MUCL1: variants seen among roughly 807,000 people sequenced by gnomAD.
MUCL1 encodes the protein mucin like 1, also known as mucin-like protein 1.
MUCL1 carries 11 observed loss-of-function variants against 9.2 expected under a neutral mutation model. That is an observed-to-expected ratio of 1.19 (90% CI 0.75 to 1.97). The LOEUF (loss-of-function observed/expected upper bound fraction) is 1.97. MUCL1 is among the 30% of genes most tolerant of loss of function. The pLI, the probability that MUCL1 is intolerant of heterozygous loss-of-function variation, is 0.00. For missense variants in MUCL1, 144 were observed against 110.9 expected (o/e 1.30, Z -1.34); for synonymous variants, 48 against 40.5 (o/e 1.19, Z -0.71).
chr12:54,838,785 T>G (rs1959198292), upstream of MUCL1, among the ~76,000 whole-genome samples: 1 of 152,156 alleles, frequency 6.6e-6, no homozygotes, highest in African/African-American at 2.4e-5. Context: ...TCGTTTTTCT[T>G]TAAGATATCT....
chr12:54,855,246 A>T, intron 2 of MUCL1, 89 bp downstream of exon 2: 1 of 1,176,866 alleles, frequency 8.5e-7, no homozygotes, highest in Non-Finnish European at 1.3e-6. Context: ...CCATGTGGAT[A>T]GTCTTTGTTA....
At chr12:54,852,605 C>T (rs753308826), upstream of MUCL1, among the ~76,000 whole-genome samples, 14 of 152,124 alleles carry the variant, frequency 9.2e-5, no homozygotes, top group Non-Finnish European at 4.4e-5. Context: ...TAAGGGGACC[C>T]TAACTGATAC....
In MUCL1 at chr12:54,856,835, GCTGCTCCTACCACTGCA is replaced by G. The variant is rs751988883; in HGVS notation, c.167_183del (p.Ala56AspfsTer10). ...TGCTGCTGCAACCACTGCAACCACT[GCTGCTCCTACCACTGCA>G]ACCACCGCTGCTTCTACCACTGCTC... is the stretch of plus-strand genomic sequence containing the variant. On this transcript the variant is annotated frameshift_variant, in exon 3 of 4. Transcript: ENST00000308796. LOFTEE classifies it high-confidence loss of function. 1.6e-5 allele frequency: 26 copies of G among 1,612,732 alleles called. No homozygotes were observed. The highest frequency in any genetic ancestry group is 1.6e-4 in the Middle Eastern group (1 of 6,082).
At chr12:54,834,144 A>T (rs937519067) in intron 1 of MUCL1, among the ~76,000 whole-genome samples, 1 of 152,056 alleles carries the variant, frequency 6.6e-6, no homozygotes, top group Non-Finnish European at 1.5e-5. Flanking sequence ...TATAAGACAT[A>T]TTTGCGTGAA....
chr12:54,836,105 G>A (rs897155196), upstream of MUCL1, among the ~76,000 whole-genome samples: 2 of 152,140 alleles, frequency 1.3e-5, no homozygotes, highest in African/African-American at 4.8e-5. Context: ...CACAGAATGA[G>A]TTAGGGAGGA....
upstream of MUCL1, among the ~76,000 whole-genome samples, chr12:54,834,627 A>G (rs970851779): frequency 1.3e-5 from 2 of 151,912 alleles, no homozygotes; most frequent in Non-Finnish European, 2.9e-5. Context: ...CTTAAAATCC[A>G]CTCTCTTAGC....
At chr12:54,830,770 C>T (rs1959184324) in exon 1 of MUCL1, 1 of 152,166 alleles carries the variant, frequency 6.6e-6, no homozygotes, top group Non-Finnish European at 1.5e-5. Context: ...ATTGGGGGCT[C>T]TCCTTAAGAG....
intron 1 of MUCL1, among the ~76,000 whole-genome samples, chr12:54,849,375 A>G (rs1959303957): frequency 6.6e-6 from 1 of 152,160 alleles, no homozygotes; most frequent in Non-Finnish European, 1.5e-5. Context: ...ATAATTACCA[A>G]GTAAAAATGG....
At chr12:54,837,180 T>C (rs777530419), upstream of MUCL1, among the ~76,000 whole-genome samples, 5 of 152,218 alleles carry the variant, frequency 3.3e-5, no homozygotes, top group South Asian at 6.2e-4. Flanking sequence ...CAGTAGAGAG[T>C]TGAAGTCCCC....
upstream of MUCL1, among the ~76,000 whole-genome samples, chr12:54,853,783 G>T (rs138481737): frequency 6.6e-6 from 1 of 151,812 alleles, no homozygotes; most frequent in East Asian, 1.9e-4. Flanking sequence ...TGTGTGCTTT[G>T]TTCGCTGTTA....
At chr12:54,848,013 C>T (rs568837178) in intron 1 of MUCL1, among the ~76,000 whole-genome samples, 1 of 142,908 alleles carries the variant, frequency 7.0e-6, no homozygotes, top group Non-Finnish European at 1.5e-5. Context: ...TAGGACTTCC[C>T]TTCATCTCAA....
Position 54,858,214 on chromosome 12 carries a change from A to T in MUCL1, c.245A>T (p.Asp82Val), listed in dbSNP as rs375718668. 5.6e-6 allele frequency: 9 copies of T among 1,613,390 alleles called. No individual in the cohort carries two copies. The African/African-American group carries it at 8.0e-5, about 14-fold the overall frequency. The change falls in exon 4 of 4, where the codon GAT (aspartate) becomes GTT (valine). Residue 82 changes from aspartate (D) to valine (V), a missense_variant. Physicochemically the swap from Asp to Val is radical, Grantham distance 152. Coordinates refer to ENST00000308796, the MANE Select transcript of MUCL1 (RefSeq NM_058173.3). ...DIPVLPKWVG[D>V]LPNGRVCP Reference sequence around the variant, plus strand: ...GCAGTTTTACCCAAATGGGTTGGGGATCTCCCGAATGGTAGAGTGTGTCCC... The same window carrying T: ...GCAGTTTTACCCAAATGGGTTGGGGTTCTCCCGAATGGTAGAGTGTGTCCC...
chr12:54,853,399 T>G (rs1420881524), upstream of MUCL1, among the ~76,000 whole-genome samples: 1 of 152,162 alleles, frequency 6.6e-6, no homozygotes, highest in Non-Finnish European at 1.5e-5. Context: ...GGCAAGTAGA[T>G]TGATGGAACT....
intron 1 of MUCL1, chr12:54,839,559 C>T (rs1959200591): frequency 1.7e-5 from 12 of 694,846 alleles, no homozygotes; most frequent in Non-Finnish European, 5.2e-6. Flanking sequence ...AGGGAGGGAG[C>T]AACCTCATCC....
intron 1 of MUCL1, among the ~76,000 whole-genome samples, chr12:54,841,238 C>T (rs1565775317): frequency 6.6e-6 from 1 of 152,160 alleles, no homozygotes. Context: ...TTTCTTTATT[C>T]ATTTATTAAC....
At chr12:54,846,157 G>A (rs1450071120) in intron 1 of MUCL1, among the ~76,000 whole-genome samples, 2 of 152,148 alleles carry the variant, frequency 1.3e-5, no homozygotes, top group African/African-American at 2.4e-5. Flanking sequence ...CTCTATGCTT[G>A]CCATAGGCGG....
intron 1 of MUCL1, among the ~76,000 whole-genome samples, chr12:54,846,569 T>C (rs1392718012): frequency 6.6e-6 from 1 of 151,950 alleles, no homozygotes; most frequent in Non-Finnish European, 1.5e-5. Context: ...TGATAGGAAA[T>C]GAGTATATAG....
upstream of MUCL1, among the ~76,000 whole-genome samples, chr12:54,838,692 C>A (rs1265309671): frequency 6.6e-6 from 1 of 151,752 alleles, no homozygotes; most frequent in East Asian, 1.9e-4. Flanking sequence ...TTCCAAAATT[C>A]TTCTTGGTCT....
At chr12:54,851,820 AC>A (rs748007256), upstream of MUCL1, among the ~76,000 whole-genome samples, 2 of 152,206 alleles carry the variant, frequency 1.3e-5, no homozygotes, top group South Asian at 4.1e-4. Context: ...GTCTCAGGAT[AC>A]AAAAATCAAT....
Sources: allele counts gnomAD v4.1 joint callset (sites outside exome capture counted in the v4.1 genomes callset), GRCh38; gene constraint gnomAD v4.1.1; transcripts MANE v1.5; gene names NCBI Gene and HGNC (gene_info 2026-07-23, HGNC 2026-07-21).